Variants in MYO6 observed in about 807,000 individuals in gnomAD.
The protein encoded by MYO6 is unconventional myosin-VI.
MYO6 carries 74 observed loss-of-function variants against 178.7 expected under a neutral mutation model. The ratio of observed to expected loss-of-function variants is 0.41; its 90% confidence interval spans 0.34 to 0.50. The LOEUF (loss-of-function observed/expected upper bound fraction) is 0.50. Among genes scored for constraint, MYO6 ranks in the 20% least tolerant of loss-of-function variants. The pLI, the probability that MYO6 is intolerant of heterozygous loss-of-function variation, is 0.09. For missense variants in MYO6, 1,330 were observed against 1,547.4 expected, an observed-to-expected ratio of 0.86 and a Z score of 2.36; for synonymous variants, 477 against 504.6, an observed-to-expected ratio of 0.95 and a Z score of 0.73.
In MYO6 at chr6:75,895,261, G is replaced by A. The variant is rs200713129; in HGVS notation, c.3137+1G>A. 64 of 1,604,426 alleles carry A rather than the reference G, an allele frequency of 4.0e-5. No individual in the cohort carries two copies. Among genetic ancestry groups the A allele is most frequent in the Admixed American group, 1.8e-4 (11 of 59,904 alleles). On this transcript the variant is annotated splice_donor_variant, in intron 29 of 34. Coordinates refer to ENST00000369977, the MANE Select transcript of MYO6 (RefSeq NM_004999.4). LOFTEE classifies it high-confidence loss of function. The stretch of plus-strand genomic sequence containing the variant: ...ATGGAACAAGACCCAAAATGACACC[G>A]TATGTCACTTACCTTTACCTTTTTA...
chr6:75,816,442 A>G (rs191921575), intron 1 of MYO6, among the ~76,000 whole-genome samples: 1 of 152,366 alleles, frequency 6.6e-6, no homozygotes, highest in African/African-American at 2.4e-5. Flanking sequence ...TGTAGCCTCA[A>G]GCAGTCCTCC....
In MYO6 at chr6:75,914,024, T is replaced by G. The variant is rs1009722285; in HGVS notation, c.3440-39T>G. 14 of 1,598,790 alleles carry G rather than the reference T, an allele frequency of 8.8e-6. No homozygotes were observed. The African/African-American group carries it at 1.6e-4, about 18-fold the overall frequency. On this transcript the variant is annotated intron_variant, in intron 33 of 34. Transcript: ENST00000369977. ...GGATTAAAGGCTCTTTTCTTTTCCC[T>G]TGAGCTGCTGGTATAACTTTCCTTG...
At chr6:75,757,151 T>G (rs896832888) in intron 1 of MYO6, among the ~76,000 whole-genome samples, 9 of 147,394 alleles carry the variant, frequency 6.1e-5, no homozygotes, top group Non-Finnish European at 3.0e-5. Flanking sequence ...TTATGTGTGT[T>G]GTGTGTGTGT....
intron 1 of MYO6, among the ~76,000 whole-genome samples, chr6:75,769,442 A>C (rs1268446800): frequency 6.6e-6 from 1 of 152,230 alleles, no homozygotes; most frequent in East Asian, 1.9e-4. Flanking sequence ...GGAATTGGCT[A>C]AAAGAAAGGG....
chr6:75,865,991 A>G (rs1410405158), intron 16 of MYO6, among the ~76,000 whole-genome samples: 2 of 152,144 alleles, frequency 1.3e-5, no homozygotes, highest in East Asian at 3.9e-4. Context: ...AAGCCTGATG[A>G]TTGGATTTTC....
chr6:75,802,426 G>A (rs868753645), intron 1 of MYO6, among the ~76,000 whole-genome samples: 3 of 151,136 alleles, frequency 2.0e-5, no homozygotes, highest in Admixed American at 6.6e-5. Flanking sequence ...CCGAGACTGC[G>A]CCACTGGACT....
chr6:75,871,174 T>C (rs1777111534), intron 19 of MYO6, among the ~76,000 whole-genome samples: 1 of 152,170 alleles, frequency 6.6e-6, no homozygotes, highest in Non-Finnish European at 1.5e-5. Flanking sequence ...TAGAAAGAAA[T>C]TATATGTGGT....
At chr6:75,874,574 G>T (rs747789949) in intron 20 of MYO6, among the ~76,000 whole-genome samples, 1 of 152,166 alleles carries the variant, frequency 6.6e-6, no homozygotes, top group Admixed American at 6.5e-5. Context: ...AGTAGGGGTT[G>T]CCTCTCTGCC....
intron 26 of MYO6, 120 bp downstream of exon 26, chr6:75,890,385 TGCC>T: frequency 2.1e-6 from 3 of 1,408,164 alleles, no homozygotes; most frequent in Non-Finnish European, 2.9e-6. Context: ...CTTGCTCTGT[TGCC>T]CAGGCTGGAG....
intron 14 of MYO6, among the ~76,000 whole-genome samples, chr6:75,859,402 C>T (rs56207443): frequency 1.7e-3 from 260 of 151,638 alleles, no homozygotes; most frequent in African/African-American, 6.0e-3. Context: ...CGGGTTCAAG[C>T]GATTCTCCTG....
In MYO6 at chr6:75,879,913, A is replaced by G. The variant is rs373471697; in HGVS notation, c.2171A>G (p.Asp724Gly). ...LYNMYKKYMP[D>G]KLARLDPRLF... ...AACATGTACAAAAAGTATATGCCAG[A>G]TAAACTTGCAAGATTGGATCCAAGA... Residue 724 changes from aspartate (D) to glycine (G), a missense_variant, in exon 21 of 35, where the codon GAT (aspartate) becomes GGT (glycine). Asp to Gly is a moderately conservative substitution (Grantham distance 94). Coordinates refer to ENST00000369977, the MANE Select transcript of MYO6 (RefSeq NM_004999.4). 2.5e-6 allele frequency: 4 copies of G among 1,614,206 alleles called. No homozygotes were observed. In the African/African-American group the frequency reaches 4.0e-5, roughly 16 times the overall value.
At chr6:75,779,363 G>A (rs2842546) in intron 1 of MYO6, among the ~76,000 whole-genome samples, 48,638 of 152,016 alleles carry the variant, frequency 0.32, 9,100 homozygotes, top group Admixed American at 0.47. Flanking sequence ...TTAGCCAGGC[G>A]TGGTGGCAAG....
intron 20 of MYO6, among the ~76,000 whole-genome samples, chr6:75,874,388 T>C (rs1432063274): frequency 6.6e-6 from 1 of 152,230 alleles, no homozygotes; most frequent in Admixed American, 6.5e-5. Context: ...TGCCAAGTTT[T>C]CCTGGTCAGC....
intron 1 of MYO6, among the ~76,000 whole-genome samples, chr6:75,815,968 C>G (rs1771201487): frequency 6.6e-6 from 1 of 152,154 alleles, no homozygotes; most frequent in African/African-American, 2.4e-5. Flanking sequence ...CTCATTAAAA[C>G]AAAATATTTT....
At chr6:75,875,107 T>G (rs977756410) in intron 20 of MYO6, among the ~76,000 whole-genome samples, 2 of 152,232 alleles carry the variant, frequency 1.3e-5, no homozygotes, top group African/African-American at 4.8e-5. Flanking sequence ...AAGTTAGGCC[T>G]CTTTTTCTTC....
chr6:75,836,708 G>A (rs1309936047), intron 7 of MYO6, among the ~76,000 whole-genome samples: 1 of 150,650 alleles, frequency 6.6e-6, no homozygotes, highest in African/African-American at 2.4e-5. Context: ...TCAGCCTCCC[G>A]AGTAGCTGGG....
At chr6:75,904,133 C>T (rs1236872230) in intron 30 of MYO6, among the ~76,000 whole-genome samples, 14 of 151,802 alleles carry the variant, frequency 9.2e-5, no homozygotes, top group African/African-American at 2.9e-4. Flanking sequence ...GAGGGTAACC[C>T]GACCTTTCTC....
chr6:75,901,127 GT>G (rs1779739438), intron 30 of MYO6, among the ~76,000 whole-genome samples: 2 of 152,164 alleles, frequency 1.3e-5, no homozygotes. Context: ...TGCTGTTATG[GT>G]TACTGTAGCC....
intron 1 of MYO6, among the ~76,000 whole-genome samples, chr6:75,774,260 A>C (rs911781640): frequency 6.6e-6 from 1 of 152,264 alleles, no homozygotes; most frequent in Admixed American, 6.5e-5. Context: ...AATGGTATAT[A>C]TTTTTCTAGG....
Sources: allele counts gnomAD v4.1 joint callset (sites outside exome capture counted in the v4.1 genomes callset), GRCh38; gene constraint gnomAD v4.1.1; transcripts MANE v1.5; gene names NCBI Gene and HGNC (gene_info 2026-07-23, HGNC 2026-07-21).